The following ATP8A2 variants were observed in gnomAD, a reference collection of about 807,000 sequenced individuals.
ATP8A2 encodes ATPase phospholipid transporting 8A2, also known as phospholipid-transporting ATPase IB.
In ATP8A2, 100 loss-of-function variants were observed where a neutral mutation model predicts 165.6. That is an observed-to-expected ratio of 0.60 (90% confidence interval 0.51 to 0.71). The LOEUF (loss-of-function observed/expected upper bound fraction) is 0.71. Among genes scored for constraint, ATP8A2 ranks in the 30% least tolerant of loss-of-function variants. ATP8A2 has a pLI of 0.00. For synonymous variants in ATP8A2, 543 were observed against 548.8 expected (o/e 0.99, Z 0.15); for missense variants, 1,227 against 1,479.5 (o/e 0.83, Z 2.80).
intron 27 of ATP8A2, among the ~76,000 whole-genome samples, chr13:25,797,745 G>T (rs1055208101): frequency 1.3e-5 from 2 of 152,112 alleles, no homozygotes; most frequent in Admixed American, 6.6e-5. Flanking sequence ...GTCTCCCAGG[G>T]CCGATTAGCT....
At chr13:25,406,166 C>T (rs2033796127) in intron 1 of ATP8A2, among the ~76,000 whole-genome samples, 1 of 152,168 alleles carries the variant, frequency 6.6e-6, no homozygotes, top group Admixed American at 6.5e-5. Flanking sequence ...TTGACATATA[C>T]AGTTTCTCAG....
intron 1 of ATP8A2, among the ~76,000 whole-genome samples, chr13:25,456,421 G>A (rs1254515092): frequency 6.6e-6 from 1 of 152,182 alleles, no homozygotes; most frequent in Non-Finnish European, 1.5e-5. Flanking sequence ...GCACAGACTG[G>A]ACTGCTGCAC....
At chr13:25,396,251 C>T (rs2033420958) in intron 1 of ATP8A2, among the ~76,000 whole-genome samples, 1 of 152,154 alleles carries the variant, frequency 6.6e-6, no homozygotes, top group South Asian at 2.1e-4. Flanking sequence ...GGAGTGGGAT[C>T]CTCTCTGCAA....
chr13:25,965,814 T>A (rs1955763804), intron 34 of ATP8A2, among the ~76,000 whole-genome samples: 1 of 152,204 alleles, frequency 6.6e-6, no homozygotes, highest in African/African-American at 2.4e-5. Flanking sequence ...TGACTTCATT[T>A]CCTTATTATA....
At position 26,024,756 on chromosome 13, in the gene ATP8A2, C is replaced by T. The variant is rs904244381; in HGVS notation, c.*4771C>T. On this transcript the variant is annotated 3_prime_UTR_variant, in exon 37 of 37. Coordinates refer to ENST00000381655, the MANE Select transcript of ATP8A2 (RefSeq NM_016529.6). ...GGCCTCAGACCAAGAAAAACATGCT[C>T]TCAAGATTAGCCCATAGGCAGTTCT... 2 of 152,178 alleles carry T rather than the reference C, an allele frequency of 1.3e-5. No individual in the cohort carries two copies. The highest frequency in any genetic ancestry group is 6.5e-5 in the Admixed American group (1 of 15,278). The allele number at this position is 152,178 out of a possible 1,614,324, so 9.4% of individuals were successfully genotyped here.
intron 33 of ATP8A2, chr13:25,944,849 T>A (rs1274795484): frequency 2.0e-5 from 3 of 152,246 alleles, no homozygotes; most frequent in African/African-American, 7.2e-5. Flanking sequence ...GAGACCTGGA[T>A]TCAAATCCTG....
At chr13:25,791,761 A>G (rs1270266875) in intron 27 of ATP8A2, among the ~76,000 whole-genome samples, 1 of 152,202 alleles carries the variant, frequency 6.6e-6, no homozygotes, top group African/African-American at 2.4e-5. Flanking sequence ...AGAACAAGCA[A>G]CAATGACATG....
rs374369558 is a variant in ATP8A2, at chr13:25,875,432, T to C, written c.3183+13024T>C. 1.1e-4 allele frequency among the ~76,000 whole-genome samples: 16 copies of C among 151,892 alleles called. 1 individual carries two copies. Among genetic ancestry groups the C allele is most frequent in the African/African-American group, 3.9e-4 (16 of 41,218 alleles). On this transcript the variant is annotated intron_variant, in intron 33 of 36. Coordinates refer to ENST00000381655, the MANE Select transcript of ATP8A2 (RefSeq NM_016529.6). ...ATTCATAACATTGAACAACCTCTCG[T>C]GTACAATTGGGTGGGTCTGTAGTTG...
chr13:25,705,445 C>T (rs553162687), intron 25 of ATP8A2: 25 of 163,284 alleles, frequency 1.5e-4, no homozygotes, highest in South Asian at 4.9e-4. Flanking sequence ...AGGAAAACAC[C>T]GCGGCAGGGA....
At chr13:25,506,959 A>ATATATC (rs965878307) in intron 2 of ATP8A2, among the ~76,000 whole-genome samples, 59 of 145,938 alleles carry the variant, frequency 4.0e-4, no homozygotes, top group African/African-American at 1.3e-3. Flanking sequence ...ATATATATAT[A>ATATATC]TATCTTATTT....
chr13:25,562,818 T>C (rs1406410678), intron 15 of ATP8A2, among the ~76,000 whole-genome samples: 1 of 152,204 alleles, frequency 6.6e-6, no homozygotes, highest in African/African-American at 2.4e-5. Flanking sequence ...TTTTTCTGGC[T>C]GTGGAAGTTT....
chr13:25,861,473 A>T (rs1391561192), intron 32 of ATP8A2, among the ~76,000 whole-genome samples: 1 of 152,204 alleles, frequency 6.6e-6, no homozygotes, highest in Non-Finnish European at 1.5e-5. Context: ...GCATTTAAAG[A>T]TTATAACTAA....
chr13:25,382,004 A>T (rs1158709515), intron 1 of ATP8A2, among the ~76,000 whole-genome samples: 1 of 152,342 alleles, frequency 6.6e-6, no homozygotes, highest in East Asian at 1.9e-4. Context: ...GTGACAATGT[A>T]TAATGGCATG....
rs530076473 is a variant in ATP8A2, at chr13:25,558,199, G to A, written c.1264-774G>A. Among the ~76,000 whole-genome samples, 9 of 152,290 alleles carry A rather than the reference G, an allele frequency of 5.9e-5. No homozygotes were observed. The South Asian group carries it at 8.3e-4, about 14-fold the overall frequency. On this transcript the variant is annotated intron_variant, in intron 13 of 36. Transcript: ENST00000381655. ...TTACAGGTGTGAGCCTCTGCACCTGGCCTTTAGTTTTTTTATATGATATTT... is the reference window on the plus strand; with the variant it reads ...TTACAGGTGTGAGCCTCTGCACCTGACCTTTAGTTTTTTTATATGATATTT...
intron 33 of ATP8A2, among the ~76,000 whole-genome samples, chr13:25,949,094 G>A (rs1001560432): frequency 3.9e-5 from 6 of 152,224 alleles, no homozygotes; most frequent in Admixed American, 3.3e-4. Flanking sequence ...TCCCTCTGCT[G>A]TGGGAAGCAT....
rs1386831736 is a variant in ATP8A2, at chr13:25,750,341, C to T, written c.2385-18705C>T. 1.3e-5 allele frequency among the ~76,000 whole-genome samples: 2 copies of T among 152,208 alleles called. No homozygotes were observed. The highest frequency in any genetic ancestry group is 2.4e-5 in the African/African-American group (1 of 41,466). On this transcript the variant is annotated intron_variant, in intron 25 of 36. Transcript: ENST00000381655. This position sits in a 1 kb window ranked among gnomAD's most constrained non-coding sequence, Gnocchi z 4.3. ...TGTGTAGTTACCAAAGCCAGGAACA[C>T]GGGCCCTAACTGTGGGCAGTTTCCC...
At chr13:25,550,899 A>G (rs2038800435) in intron 10 of ATP8A2, among the ~76,000 whole-genome samples, 2 of 152,146 alleles carry the variant, frequency 1.3e-5, no homozygotes, top group South Asian at 4.1e-4. Flanking sequence ...CTTTAGAAAT[A>G]TCTCTGTGTA....
At chr13:25,740,611 A>G (rs925837292) in intron 25 of ATP8A2, among the ~76,000 whole-genome samples, 4 of 152,192 alleles carry the variant, frequency 2.6e-5, no homozygotes, top group African/African-American at 9.7e-5. Flanking sequence ...AGATGATTCT[A>G]TGTAGCTTCA....
intron 33 of ATP8A2, among the ~76,000 whole-genome samples, chr13:25,933,990 C>A (rs2840238): frequency 0.5 from 76,751 of 152,038 alleles, 20,302 homozygotes; most frequent in East Asian, 0.77. Flanking sequence ...ACCATGCAGG[C>A]CCCTCCTAGA....
Sources: allele counts gnomAD v4.1 joint callset (sites outside exome capture counted in the v4.1 genomes callset), GRCh38; gene constraint gnomAD v4.1.1; non-coding constraint Gnocchi (gnomAD v3.1); transcripts MANE v1.5; gene names NCBI Gene and HGNC (gene_info 2026-07-23, HGNC 2026-07-21).